PRKN: variants seen among roughly 807,000 people sequenced by gnomAD.
PRKN encodes E3 ubiquitin-protein ligase parkin.
Under a neutral mutation model 59.5 loss-of-function variants are expected in PRKN, and 56 were observed. The observed-to-expected ratio is 0.94, with a 90% confidence interval of 0.76 to 1.18. PRKN has a LOEUF of 1.18. Ranked by LOEUF, PRKN falls within the 50% of genes most tolerant of loss-of-function variation. PRKN has a pLI of 0.00. For missense variants in PRKN, 657 were observed against 596.4 expected (o/e 1.10, Z -1.06); for synonymous variants, 250 against 222.1 (o/e 1.13, Z -1.12).
chr6:161,700,642 A>G (rs1786214479), intron 7 of PRKN, among the ~76,000 whole-genome samples: 2 of 152,206 alleles, frequency 1.3e-5, no homozygotes, highest in Admixed American at 6.5e-5. Flanking sequence ...TGAGCACAAC[A>G]TAAGAAATTC....
chr6:162,002,805 C>A (rs1188889272), intron 5 of PRKN, among the ~76,000 whole-genome samples: 1 of 150,480 alleles, frequency 6.6e-6, no homozygotes, highest in Non-Finnish European at 1.5e-5. Flanking sequence ...TTCACTGTAT[C>A]CACACATTTT....
intron 1 of PRKN, among the ~76,000 whole-genome samples, chr6:162,685,685 G>A (rs1371954015): frequency 6.6e-6 from 1 of 152,138 alleles, no homozygotes; most frequent in East Asian, 1.9e-4. Context: ...ATTATCTTTC[G>A]TATGCTCACC....
intron 1 of PRKN, among the ~76,000 whole-genome samples, chr6:162,615,316 C>T (rs1782358434): frequency 6.6e-6 from 1 of 152,150 alleles, no homozygotes. Flanking sequence ...ACAGTTGCCA[C>T]ATAATATTAT....
chr6:162,091,542 C>T (rs1332254105), intron 4 of PRKN, among the ~76,000 whole-genome samples: 1 of 152,122 alleles, frequency 6.6e-6, no homozygotes, highest in African/African-American at 2.4e-5. Flanking sequence ...CTTTGCAATT[C>T]TTACTGAACT....
At chr6:162,308,520 G>A (rs929625485) in intron 2 of PRKN, among the ~76,000 whole-genome samples, 1 of 152,152 alleles carries the variant, frequency 6.6e-6, no homozygotes, top group African/African-American at 2.4e-5. Context: ...TGAAAGAAGA[G>A]ATTGATGCAG....
At chr6:162,516,490 G>A (rs1299337114) in intron 1 of PRKN, among the ~76,000 whole-genome samples, 3 of 152,184 alleles carry the variant, frequency 2.0e-5, no homozygotes, top group African/African-American at 7.2e-5. Context: ...GGTGGCTCAC[G>A]CCAGTAATCC....
chr6:161,922,344 C>CTGATCAGAGGTTCTGT (rs1271638040), intron 6 of PRKN, among the ~76,000 whole-genome samples: 35 of 152,174 alleles, frequency 2.3e-4, no homozygotes, highest in Non-Finnish European at 4.1e-4. Flanking sequence ...ACCTTACTTA[C>CTGATCAGAGGTTCTGT]AGTCTGATTC....
intron 6 of PRKN, among the ~76,000 whole-genome samples, chr6:161,867,611 A>G (rs1794162696): frequency 6.6e-6 from 1 of 152,230 alleles, no homozygotes; most frequent in Non-Finnish European, 1.5e-5. Context: ...TAGATTAATT[A>G]CATAAGCAGA....
intron 7 of PRKN, among the ~76,000 whole-genome samples, chr6:161,587,968 T>C (rs755991427): frequency 3.3e-5 from 5 of 152,228 alleles, no homozygotes; most frequent in Non-Finnish European, 5.9e-5. Flanking sequence ...TATTGCTGTC[T>C]GAACTTGGGA....
At chr6:162,036,090 C>T (rs904285276) in intron 5 of PRKN, among the ~76,000 whole-genome samples, 3 of 151,684 alleles carry the variant, frequency 2.0e-5, no homozygotes, top group Non-Finnish European at 2.9e-5. Flanking sequence ...TTTGGGAGGC[C>T]GAGGCGGGCG....
At chr6:162,077,168 G>T (rs2128292634) in intron 4 of PRKN, among the ~76,000 whole-genome samples, 1 of 152,192 alleles carries the variant, frequency 6.6e-6, no homozygotes, top group South Asian at 2.1e-4. Context: ...AAAGATGGAA[G>T]GATACAGTTC....
chr6:161,562,070 A>C lies in PRKN; in HGVS notation c.933+7285T>G, dbSNP rs186803161. On this transcript the variant is annotated intron_variant, in intron 8 of 11. Coordinates refer to ENST00000366898, the MANE Select transcript of PRKN (RefSeq NM_004562.3). The surrounding 1 kb of genome is among the most constrained non-coding windows in gnomAD (Gnocchi z 4.3). ...CCTTCTCAGCTTCCCCAACACCATA[A>C]ATCAGCATTCCTCCTCTGGAAGCCC... is the stretch of plus-strand genomic sequence containing the variant. Among the ~76,000 whole-genome samples the C allele has an allele frequency of 6.6e-6, 1 of 151,754 alleles. No individual in the cohort carries two copies. Among genetic ancestry groups the C allele is most frequent in the Non-Finnish European group, 1.5e-5 (1 of 67,874 alleles).
At chr6:162,589,843 T>C (rs186235480) in intron 1 of PRKN, among the ~76,000 whole-genome samples, 139 of 152,368 alleles carry the variant, frequency 9.1e-4, no homozygotes, top group African/African-American at 3.2e-3. Flanking sequence ...TATTGCTTTA[T>C]GTTTTTGTTT....
chr6:162,083,920 A>C (rs1473296138), intron 4 of PRKN, among the ~76,000 whole-genome samples: 1 of 152,118 alleles, frequency 6.6e-6, no homozygotes, highest in Non-Finnish European at 1.5e-5. Context: ...CATTTTTCAA[A>C]GATTTAATGT....
intron 5 of PRKN, among the ~76,000 whole-genome samples, chr6:162,023,652 G>T: frequency 6.6e-6 from 1 of 152,224 alleles, no homozygotes; most frequent in Non-Finnish European, 1.5e-5. Context: ...CTGCCTGCTA[G>T]GGTATCGGGT....
rs1270509324 is a variant in PRKN at position 161,454,966 on chromosome 6, G to T, written c.1084-68089C>A. 1.3e-5 allele frequency among the ~76,000 whole-genome samples: 2 copies of T among 151,444 alleles called. No homozygotes were observed. Among genetic ancestry groups the T allele is most frequent in the Non-Finnish European group, 1.5e-5 (1 of 67,970 alleles). ...TAGACATTATATTACATCTAGATTTGTCATATCCTGTCTCTCCTATTAGAA... is the reference window on the plus strand; with the variant it reads ...TAGACATTATATTACATCTAGATTTTTCATATCCTGTCTCTCCTATTAGAA... On this transcript the variant is annotated intron_variant, in intron 9 of 11. Coordinates refer to ENST00000366898, the MANE Select transcript of PRKN (RefSeq NM_004562.3). This position sits in a 1 kb window ranked among gnomAD's most constrained non-coding sequence, Gnocchi z 4.6.
intron 2 of PRKN, among the ~76,000 whole-genome samples, chr6:162,342,841 CTTATCTACTGAT>C: frequency 1.3e-5 from 2 of 152,182 alleles, no homozygotes; most frequent in Admixed American, 1.3e-4. Flanking sequence ...ACGTGATATA[CTTATCTACTGAT>C]TACAGAAATC....
At chr6:162,588,418 A>G (rs140145652) in intron 1 of PRKN, among the ~76,000 whole-genome samples, 33 of 152,250 alleles carry the variant, frequency 2.2e-4, no homozygotes, top group African/African-American at 7.5e-4. Flanking sequence ...ACAATATTAA[A>G]CTAGGATTTC....
At chr6:162,120,283 C>T (rs1342372807) in intron 4 of PRKN, among the ~76,000 whole-genome samples, 3 of 152,218 alleles carry the variant, frequency 2.0e-5, no homozygotes, top group African/African-American at 4.8e-5. Context: ...GGATTATAGG[C>T]GTGAGCCACT....
Sources: gnomAD v4.1 joint callset for allele counts (sites outside exome capture counted in the v4.1 genomes callset) on GRCh38, gnomAD v4.1.1 for gene constraint, Gnocchi (gnomAD v3.1) non-coding constraint, MANE v1.5 for transcripts, NCBI Gene and HGNC (gene_info 2026-07-23, HGNC 2026-07-21) for gene names.